The following RORB variants were observed in gnomAD, a reference collection of about 807,000 sequenced individuals.
RORB encodes the protein nuclear receptor ROR-beta.
Under a neutral mutation model 59.1 loss-of-function variants are expected in RORB, and 6 were observed. That is an observed-to-expected ratio of 0.10 (90% CI 0.06 to 0.20). The LOEUF (loss-of-function observed/expected upper bound fraction) is 0.20, where lower values mean the gene tolerates loss of function less well. Ranked by LOEUF, RORB falls within the 10% of genes least tolerant of loss-of-function variation. The pLI is 1.00. For missense variants in RORB, 320 were observed against 560.5 expected (o/e 0.57, Z 4.33); for synonymous variants, 215 against 204.5 (o/e 1.05, Z -0.44).
chr9:74,638,532 T>A (rs1270766579), intron 3 of RORB, among the ~76,000 whole-genome samples: 1 of 147,106 alleles, frequency 6.8e-6, no homozygotes, highest in Non-Finnish European at 1.5e-5. Flanking sequence ...CAAGTGAATG[T>A]CATTAACAGA....
chr9:74,632,551 A>G (rs1823636822), intron 2 of RORB, among the ~76,000 whole-genome samples: 1 of 152,172 alleles, frequency 6.6e-6, no homozygotes, highest in South Asian at 2.1e-4. Flanking sequence ...TTCATTCAAT[A>G]AAATTTGGAA....
intron 3 of RORB, among the ~76,000 whole-genome samples, chr9:74,635,282 C>T (rs531776355): frequency 6.6e-6 from 1 of 152,192 alleles, no homozygotes; most frequent in East Asian, 1.9e-4. Flanking sequence ...ACTATCTGAG[C>T]CCATAATGAA....
At chr9:74,681,778 C>T (rs896377643) in intron 9 of RORB, among the ~76,000 whole-genome samples, 5 of 152,184 alleles carry the variant, frequency 3.3e-5, no homozygotes, top group South Asian at 2.1e-4. Flanking sequence ...ACACACCACC[C>T]TGTCACTAAA....
chr9:74,588,201 C>T (rs1006055688), intron 1 of RORB, among the ~76,000 whole-genome samples: 1 of 152,036 alleles, frequency 6.6e-6, no homozygotes, highest in Admixed American at 6.6e-5. Flanking sequence ...GTGGGGCAAG[C>T]GTAATAATTA....
chr9:74,563,184 C>CT (rs766404071), intron 1 of RORB, among the ~76,000 whole-genome samples: 4,272 of 127,082 alleles, frequency 0.034, 162 homozygotes, highest in African/African-American at 0.073. Flanking sequence ...TCTCTTCAGT[C>CT]TTTTTTTTTT....
rs1822709108 is a variant in RORB at position 74,580,673 on chromosome 9, G to A, written c.8-49609G>A. Reference sequence around the variant, plus strand: ...TATGTTCATCAGGGATAGTAAATCAGTTAGTTGCATTTTCCTTAAACTGCT... The same window carrying A: ...TATGTTCATCAGGGATAGTAAATCAATTAGTTGCATTTTCCTTAAACTGCT... On this transcript the variant is annotated intron_variant, in intron 1 of 9. Transcript: ENST00000376896. Among the ~76,000 whole-genome samples the A allele has an allele frequency of 2.0e-5, 3 of 152,240 alleles. No individual in the cohort carries two copies. The South Asian group carries it at 6.2e-4, about 32-fold the overall frequency.
chr9:74,555,468 T>C (rs1420463763), intron 1 of RORB, among the ~76,000 whole-genome samples: 2 of 152,204 alleles, frequency 1.3e-5, no homozygotes, highest in African/African-American at 4.8e-5. Flanking sequence ...TTAATACATA[T>C]AAATATATGG....
At chr9:74,529,339 A>G (rs535885504) in intron 1 of RORB, among the ~76,000 whole-genome samples, 2 of 151,772 alleles carry the variant, frequency 1.3e-5, no homozygotes, top group Non-Finnish European at 2.9e-5. Flanking sequence ...ATCTAAGAAT[A>G]GTTAATGCAA....
chr9:74,616,706 G>A (rs1823317986), intron 1 of RORB, among the ~76,000 whole-genome samples: 1 of 152,078 alleles, frequency 6.6e-6, no homozygotes, highest in Non-Finnish European at 1.5e-5. Flanking sequence ...ATCACAATAA[G>A]CAGGGGCTCA....
chr9:74,646,095 A>AGG (rs1823893301), intron 4 of RORB, among the ~76,000 whole-genome samples: 1 of 150,498 alleles, frequency 6.6e-6, no homozygotes. Flanking sequence ...ATTTTGCCAC[A>AGG]TCCTGACTGG....
intron 1 of RORB, among the ~76,000 whole-genome samples, chr9:74,522,359 A>G (rs946791886): frequency 6.6e-6 from 1 of 151,786 alleles, no homozygotes; most frequent in African/African-American, 2.4e-5. Context: ...AAAATAACTG[A>G]CATCAAAATC....
chr9:74,687,081 A>G lies in RORB; in HGVS notation c.*1463A>G, dbSNP rs1000406818. 5.3e-5 allele frequency: 8 copies of G among 152,164 alleles called. No homozygotes were observed. Among genetic ancestry groups the G allele is most frequent in the Admixed American group, 3.3e-4 (5 of 15,260 alleles). The allele number at this position is 152,164 out of a possible 1,614,324, so 9.4% of individuals were successfully genotyped here. On this transcript the variant is annotated 3_prime_UTR_variant, in exon 10 of 10. Transcript: ENST00000376896. ...TTCTCACTTCTCCACCTGCTCACCAATGAAATTAATCATAAGAAAAGCATA... is the reference window on the plus strand; with the variant it reads ...TTCTCACTTCTCCACCTGCTCACCAGTGAAATTAATCATAAGAAAAGCATA...
rs553585748 is a variant in RORB, at chr9:74,617,067, G to T, written c.8-13215G>T. Among the ~76,000 whole-genome samples the T allele has an allele frequency of 4.5e-5, 6 of 134,110 alleles. No homozygotes were observed. In the South Asian group the frequency reaches 1.3e-3, roughly 29 times the overall value. The allele number at this position is 134,110 out of a possible 152,430, so 88.0% of individuals were successfully genotyped here. A position where few individuals can be genotyped will look rare whatever the true frequency, so the allele number is the denominator to read the frequency against. On this transcript the variant is annotated intron_variant, in intron 1 of 9. Transcript: ENST00000376896. ...CCTAGTTTTCAGTAATGTCTTTCTC[G>T]TCTAATATTCCCACCACCCGCTCCC...
intron 1 of RORB, among the ~76,000 whole-genome samples, chr9:74,617,214 T>A (rs1823328155): frequency 1.3e-5 from 2 of 152,070 alleles, no homozygotes; most frequent in Non-Finnish European, 2.9e-5. Flanking sequence ...AATTAACGTA[T>A]AAGAAACACA....
At chr9:74,524,591 T>A (rs902395213) in intron 1 of RORB, among the ~76,000 whole-genome samples, 1 of 152,018 alleles carries the variant, frequency 6.6e-6, no homozygotes, top group Non-Finnish European at 1.5e-5. Context: ...ACCTATCCTA[T>A]TGTTTGTTCA....
chr9:74,641,366 T>C (rs1823802750), intron 3 of RORB, among the ~76,000 whole-genome samples: 1 of 152,194 alleles, frequency 6.6e-6, no homozygotes, highest in African/African-American at 2.4e-5. Context: ...TCCTTCTTTT[T>C]CCTCAGACTG....
chr9:74,590,654 G>C (rs1822872304), intron 1 of RORB, among the ~76,000 whole-genome samples: 1 of 152,214 alleles, frequency 6.6e-6, no homozygotes, highest in African/African-American at 2.4e-5. Context: ...CAGCCAGCTA[G>C]GGGTTCTGTC....
At chr9:74,632,806 G>T (rs1823640586) in intron 2 of RORB, among the ~76,000 whole-genome samples, 2 of 152,056 alleles carry the variant, frequency 1.3e-5, no homozygotes, top group Admixed American at 6.5e-5. Flanking sequence ...ATGGGCTGAG[G>T]TTATGCTTCC....
chr9:74,637,792 A>C (rs1482574227), intron 3 of RORB, among the ~76,000 whole-genome samples: 4 of 152,184 alleles, frequency 2.6e-5, no homozygotes. Flanking sequence ...TCACTATTTA[A>C]ATAATTTAAA....
Sources: allele counts gnomAD v4.1 joint callset (sites outside exome capture counted in the v4.1 genomes callset), GRCh38; gene constraint gnomAD v4.1.1; transcripts MANE v1.5; gene names NCBI Gene and HGNC (gene_info 2026-07-23, HGNC 2026-07-21).